The following ZMAT4 variants were observed in gnomAD, a reference collection of about 807,000 sequenced individuals.
ZMAT4 encodes zinc finger matrin-type protein 4.
In ZMAT4, 17 loss-of-function variants were observed where a neutral mutation model predicts 28.7. The observed-to-expected ratio is 0.59, with a 90% CI of 0.41 to 0.89. The LOEUF (loss-of-function observed/expected upper bound fraction) is 0.89, where lower values mean the gene tolerates loss of function less well. Among genes scored for constraint, ZMAT4 ranks in the 40% least tolerant of loss-of-function variants. ZMAT4 has a pLI of 0.00. For synonymous variants in ZMAT4, 117 were observed against 109.2 expected (o/e 1.07, Z -0.44); for missense variants, 240 against 283.8 (o/e 0.85, Z 1.11).
At chr8:40,765,911 A>G (rs1030295415) in intron 3 of ZMAT4, among the ~76,000 whole-genome samples, 1 of 152,130 alleles carries the variant, frequency 6.6e-6, no homozygotes, top group Admixed American at 6.5e-5. Flanking sequence ...TAAAAAACGA[A>G]TTCTATTCTT....
At chr8:40,817,321 G>A (rs1377400108) in intron 2 of ZMAT4, among the ~76,000 whole-genome samples, 1 of 152,196 alleles carries the variant, frequency 6.6e-6, no homozygotes, top group Admixed American at 6.5e-5. Context: ...AGTAGACTAT[G>A]AATGCTGGCA....
chr8:40,611,207 T>A (rs1260490655), intron 5 of ZMAT4, among the ~76,000 whole-genome samples: 1 of 152,210 alleles, frequency 6.6e-6, no homozygotes, highest in Non-Finnish European at 1.5e-5. Flanking sequence ...GTGGAAAATC[T>A]ATTCAGGGCA....
chr8:40,863,498 T>G (rs572563640), intron 1 of ZMAT4, among the ~76,000 whole-genome samples: 3 of 152,286 alleles, frequency 2.0e-5, no homozygotes, highest in Non-Finnish European at 4.4e-5. Context: ...GTGGTGCCTT[T>G]CACTGGGGCA....
At chr8:40,764,891 G>A (rs951692046) in intron 3 of ZMAT4, among the ~76,000 whole-genome samples, 1 of 151,986 alleles carries the variant, frequency 6.6e-6, no homozygotes, top group African/African-American at 2.4e-5. Flanking sequence ...GAGTGCAGTG[G>A]CACAATCATA....
At chr8:40,568,923 C>T (rs899875855) in intron 6 of ZMAT4, among the ~76,000 whole-genome samples, 7 of 152,098 alleles carry the variant, frequency 4.6e-5, no homozygotes, top group Non-Finnish European at 1.0e-4. Context: ...CATATGTTGA[C>T]GTTAACTGTA....
intron 6 of ZMAT4, among the ~76,000 whole-genome samples, chr8:40,545,221 A>G (rs1051796626): frequency 2.0e-5 from 3 of 152,018 alleles, no homozygotes; most frequent in Non-Finnish European, 4.4e-5. Flanking sequence ...GAGCCTTAAG[A>G]TGATGATGGC....
intron 1 of ZMAT4, among the ~76,000 whole-genome samples, chr8:40,884,182 C>A (rs1818376549): frequency 6.6e-6 from 1 of 151,670 alleles, no homozygotes; most frequent in South Asian, 2.1e-4. Flanking sequence ...GGTCCCCCAC[C>A]CCGCCTCACC....
intron 5 of ZMAT4, among the ~76,000 whole-genome samples, chr8:40,658,361 C>G (rs971346219): frequency 1.3e-5 from 2 of 152,052 alleles, no homozygotes; most frequent in Non-Finnish European, 2.9e-5. Flanking sequence ...TTTGGATTCT[C>G]TTATATTCCT....
chr8:40,611,416 C>A (rs1272648808), intron 5 of ZMAT4, among the ~76,000 whole-genome samples: 1 of 152,070 alleles, frequency 6.6e-6, no homozygotes, highest in Non-Finnish European at 1.5e-5. Flanking sequence ...TCTCTGCTCA[C>A]TGCAAGCTCC....
intron 1 of ZMAT4, among the ~76,000 whole-genome samples, chr8:40,893,870 T>C (rs1315042439): frequency 1.3e-5 from 2 of 152,180 alleles, no homozygotes; most frequent in East Asian, 1.9e-4. Flanking sequence ...TTCATGTCCA[T>C]GTGTACTCAA....
chr8:40,772,946 A>G (rs750920005), intron 2 of ZMAT4, among the ~76,000 whole-genome samples: 20 of 152,320 alleles, frequency 1.3e-4, no homozygotes, highest in South Asian at 1.0e-3. Context: ...GAGGGACTCC[A>G]TCACACAGGA....
intron 6 of ZMAT4, among the ~76,000 whole-genome samples, chr8:40,560,671 G>A (rs572845917): frequency 2.2e-4 from 34 of 152,224 alleles, no homozygotes; most frequent in African/African-American, 7.7e-4. Flanking sequence ...CACAAGGACA[G>A]CCAGCCACTT....
intron 1 of ZMAT4, among the ~76,000 whole-genome samples, chr8:40,838,531 G>C (rs1388962892): frequency 6.6e-6 from 1 of 151,990 alleles, no homozygotes; most frequent in Non-Finnish European, 1.5e-5. Context: ...TTTTAAGATG[G>C]GGTCTCACTA....
Position 40,608,943 on chromosome 8 carries a change from G to C in ZMAT4, c.578-27682C>G, listed in dbSNP as rs548077064. Among the ~76,000 whole-genome samples, 5 of 152,258 alleles carry C rather than the reference G, an allele frequency of 3.3e-5. No individual in the cohort carries two copies. The East Asian group carries it at 9.7e-4, about 29-fold the overall frequency. The stretch of plus-strand genomic sequence containing the variant: ...TTTTACAGCTGTCTCACAGTGGCAA[G>C]TTGTTACCTTCAAAGGGTCTGTGGA... On this transcript the variant is annotated intron_variant, in intron 5 of 6. Coordinates refer to ENST00000297737, the MANE Select transcript of ZMAT4 (RefSeq NM_024645.3).
chr8:40,581,384 A>G (rs1415013839), intron 5 of ZMAT4, 123 bp from the exon 6 acceptor site: 4 of 684,322 alleles, frequency 5.8e-6, no homozygotes, highest in Non-Finnish European at 1.0e-5. Flanking sequence ...CCCCACCAAC[A>G]CTTCAACCCT....
At chr8:40,602,600 G>T (rs1805437390) in intron 5 of ZMAT4, among the ~76,000 whole-genome samples, 1 of 152,004 alleles carries the variant, frequency 6.6e-6, no homozygotes, top group South Asian at 2.1e-4. Flanking sequence ...TTGTAGTTTT[G>T]ATTTGCATTT....
intron 5 of ZMAT4, among the ~76,000 whole-genome samples, chr8:40,655,609 CAT>C (rs1187742970): frequency 2.0e-5 from 3 of 150,332 alleles, no homozygotes; most frequent in East Asian, 4.0e-4. Context: ...AAAAAAAAGA[CAT>C]ATGAATTAAT....
At chr8:40,866,893 T>C (rs1456405261) in intron 1 of ZMAT4, among the ~76,000 whole-genome samples, 3 of 152,220 alleles carry the variant, frequency 2.0e-5, no homozygotes, top group African/African-American at 4.8e-5. Context: ...CCCCCTAATC[T>C]ACATTTAGAC....
chr8:40,870,657 A>G (rs532835316), intron 1 of ZMAT4, among the ~76,000 whole-genome samples: 2 of 152,330 alleles, frequency 1.3e-5, no homozygotes, highest in East Asian at 3.9e-4. Context: ...GAATGGATTC[A>G]TAGAGCCCAA....
Sources: gnomAD v4.1 joint callset for allele counts (sites outside exome capture counted in the v4.1 genomes callset) on GRCh38, gnomAD v4.1.1 for gene constraint, MANE v1.5 for transcripts, NCBI Gene and HGNC (gene_info 2026-07-23, HGNC 2026-07-21) for gene names.